Variants in SMYD3 observed in about 807,000 individuals in gnomAD.
SMYD3 encodes SET and MYND domain containing 3.
A neutral mutation model predicts 57.7 loss-of-function variants in SMYD3; 36 were observed. The ratio of observed to expected loss-of-function variants is 0.62; its 90% CI spans 0.48 to 0.82. The LOEUF (loss-of-function observed/expected upper bound fraction) is 0.82, where lower values mean the gene tolerates loss of function less well. Ranked by LOEUF, SMYD3 falls within the 40% of genes least tolerant of loss-of-function variation. SMYD3 has a pLI of 0.00. For missense variants in SMYD3, 515 were observed against 538.8 expected (o/e 0.96, Z 0.44); for synonymous variants, 211 against 195.0 (o/e 1.08, Z -0.68).
chr1:246,319,981 A>G (rs529502875), intron 5 of SMYD3, among the ~76,000 whole-genome samples: 1 of 152,334 alleles, frequency 6.6e-6, no homozygotes, highest in South Asian at 2.1e-4. Context: ...ATCACTCTAA[A>G]TGTAAAGGCA....
intron 1 of SMYD3, among the ~76,000 whole-genome samples, chr1:246,361,503 T>C (rs781248376): frequency 6.6e-6 from 1 of 152,222 alleles, no homozygotes. Context: ...TACACATTTA[T>C]AGCAGCACAA....
intron 5 of SMYD3, among the ~76,000 whole-genome samples, chr1:246,055,163 A>G (rs1398036792): frequency 6.6e-6 from 1 of 150,818 alleles, no homozygotes; most frequent in Non-Finnish European, 1.5e-5. Flanking sequence ...GTGACAGAGC[A>G]AGACTCTGTC....
At chr1:246,163,905 A>T (rs904313326) in intron 5 of SMYD3, among the ~76,000 whole-genome samples, 6 of 152,192 alleles carry the variant, frequency 3.9e-5, no homozygotes, top group African/African-American at 1.4e-4. Flanking sequence ...ATAATGACAG[A>T]GGAAAGTCAG....
chr1:246,319,611 G>C (rs184210884), intron 5 of SMYD3, among the ~76,000 whole-genome samples: 259 of 152,176 alleles, frequency 1.7e-3, no homozygotes, highest in African/African-American at 6.1e-3. Context: ...AACAAAAAAG[G>C]CTCTAAAATC....
At chr1:246,240,932 C>T (rs2063597526) in intron 5 of SMYD3, among the ~76,000 whole-genome samples, 3 of 152,006 alleles carry the variant, frequency 2.0e-5, no homozygotes, top group Non-Finnish European at 4.4e-5. Flanking sequence ...GATTTTTGCA[C>T]ATCGATTTTG....
chr1:246,123,825 A>G (rs2148036414), intron 5 of SMYD3, among the ~76,000 whole-genome samples: 1 of 152,160 alleles, frequency 6.6e-6, no homozygotes, highest in African/African-American at 2.4e-5. Context: ...TTTTCCCCTG[A>G]GAAATGCACA....
chr1:246,336,684 T>A lies in SMYD3; in HGVS notation c.229-1210A>T, dbSNP rs74956103. Among the ~76,000 whole-genome samples, 77 of 152,326 alleles carry A rather than the reference T, an allele frequency of 5.1e-4. No homozygotes were observed. In the East Asian group the frequency reaches 0.013, roughly 25 times the overall value. ...AGCAAATAACGAAGCACGTTTCACT[T>A]GATTTTCGTAACAATCCAAATGGTA... On this transcript the variant is annotated intron_variant, in intron 2 of 11. Transcript: ENST00000490107.
At chr1:246,311,395 G>T (rs1021791419) in intron 5 of SMYD3, among the ~76,000 whole-genome samples, 2 of 152,206 alleles carry the variant, frequency 1.3e-5, no homozygotes, top group African/African-American at 4.8e-5. Context: ...CTAGAAGCCT[G>T]CCATAATGAT....
intron 5 of SMYD3, among the ~76,000 whole-genome samples, chr1:245,932,523 C>T (rs1003697626): frequency 1.3e-5 from 2 of 152,130 alleles, no homozygotes; most frequent in Admixed American, 6.5e-5. Flanking sequence ...TAGTCCTGTA[C>T]CTGGCTCAAA....
chr1:246,133,374 T>A (rs1002219791), intron 5 of SMYD3, among the ~76,000 whole-genome samples: 3 of 152,058 alleles, frequency 2.0e-5, no homozygotes, highest in Non-Finnish European at 4.4e-5. Context: ...TGGGAAAGGA[T>A]GAGAATGTTT....
At chr1:246,392,655 C>T (rs1316985240) in intron 1 of SMYD3, among the ~76,000 whole-genome samples, 1 of 151,890 alleles carries the variant, frequency 6.6e-6, no homozygotes, top group African/African-American at 2.4e-5. Flanking sequence ...ACTCTGTTGC[C>T]CAGGCTGGCC....
chr1:246,379,198 C>T (rs186777351), intron 1 of SMYD3, among the ~76,000 whole-genome samples: 15 of 150,902 alleles, frequency 9.9e-5, no homozygotes, highest in African/African-American at 3.6e-4. Context: ...AATTTAATCT[C>T]TTGAAACCAC....
intron 5 of SMYD3, among the ~76,000 whole-genome samples, chr1:246,212,879 C>T (rs533686184): frequency 1.8e-4 from 28 of 152,102 alleles, no homozygotes; most frequent in Admixed American, 3.9e-4. Context: ...GTAGACAGGA[C>T]GTTCTTGGGT....
chr1:245,928,657 G>C (rs2056539079), intron 6 of SMYD3, among the ~76,000 whole-genome samples: 1 of 152,010 alleles, frequency 6.6e-6, no homozygotes, highest in South Asian at 2.1e-4. Flanking sequence ...CTGGGTGACA[G>C]AGTGAGACTC....
At chr1:246,276,798 C>T (rs1770018) in intron 5 of SMYD3, among the ~76,000 whole-genome samples, 134,400 of 136,308 alleles carry the variant, frequency 0.99, 66,266 homozygotes, top group East Asian at 1. Context: ...TGGCAAGTTA[C>T]TTAATGTTTC....
intron 5 of SMYD3, among the ~76,000 whole-genome samples, chr1:245,970,824 T>C (rs1434079118): frequency 1.1e-4 from 16 of 152,070 alleles, no homozygotes; most frequent in Non-Finnish European, 2.4e-4. Context: ...TGTGGAAAAA[T>C]AGGAACACTT....
At chr1:246,073,965 G>A (rs1463745598) in intron 5 of SMYD3, among the ~76,000 whole-genome samples, 2 of 152,168 alleles carry the variant, frequency 1.3e-5, no homozygotes, top group African/African-American at 2.4e-5. Flanking sequence ...AATTGGTCTC[G>A]GCCTAGGTCA....
At chr1:245,881,135 C>G (rs1292039371) in intron 8 of SMYD3, among the ~76,000 whole-genome samples, 1 of 152,084 alleles carries the variant, frequency 6.6e-6, no homozygotes, top group Non-Finnish European at 1.5e-5. Context: ...ATGCTTTTGA[C>G]CAGATTAGAA....
intron 10 of SMYD3, among the ~76,000 whole-genome samples, chr1:245,771,679 A>T (rs1457723340): frequency 6.6e-6 from 1 of 152,226 alleles, no homozygotes; most frequent in Admixed American, 6.5e-5. Flanking sequence ...TGCCAGGAGT[A>T]AACGGGACAA....
Sources: gnomAD v4.1 joint callset for allele counts (sites outside exome capture counted in the v4.1 genomes callset) on GRCh38, gnomAD v4.1.1 for gene constraint, MANE v1.5 for transcripts, NCBI Gene and HGNC (gene_info 2026-07-23, HGNC 2026-07-21) for gene names.